LCORL: variants seen among roughly 807,000 people sequenced by gnomAD.
LCORL encodes ligand-dependent nuclear receptor corepressor-like protein.
LCORL carries 41 observed loss-of-function variants against 141.8 expected under a neutral mutation model. The observed-to-expected ratio is 0.29, with a 90% CI of 0.23 to 0.38. LCORL has a LOEUF of 0.38. LCORL is among the 10% of genes least tolerant of loss of function. LCORL has a pLI of 1.00. For synonymous variants in LCORL, 618 were observed against 694.1 expected (o/e 0.89, Z 1.72); for missense variants, 1,759 against 2,035.0 (o/e 0.86, Z 2.61).
At chr4:17,848,347 C>A (rs1723182360) in intron 7 of LCORL, among the ~76,000 whole-genome samples, 1 of 152,154 alleles carries the variant, frequency 6.6e-6, no homozygotes, top group Non-Finnish European at 1.5e-5. Context: ...TAGAAAGTAT[C>A]TTTCTAGATG....
intron 1 of LCORL, among the ~76,000 whole-genome samples, chr4:18,008,417 G>A (rs553392711): frequency 2.4e-4 from 36 of 152,212 alleles, no homozygotes; most frequent in African/African-American, 8.4e-4. Context: ...TGAAACTCAA[G>A]TTCTAAAATA....
At chr4:17,970,759 T>C (rs1258274145) in intron 2 of LCORL, among the ~76,000 whole-genome samples, 1 of 152,194 alleles carries the variant, frequency 6.6e-6, no homozygotes, top group South Asian at 2.1e-4. Context: ...GAAAACCTCA[T>C]GGGAAAGACT....
At chr4:17,961,857 T>C (rs1560409289) in intron 4 of LCORL, 46 bp downstream of exon 4, 2 of 1,556,324 alleles carry the variant, frequency 1.3e-6, no homozygotes, top group African/African-American at 1.4e-5. Flanking sequence ...TCCAACATTT[T>C]ACATCTCTAT....
intron 1 of LCORL, among the ~76,000 whole-genome samples, chr4:17,996,793 A>T (rs1377572870): frequency 6.6e-6 from 1 of 151,962 alleles, no homozygotes; most frequent in East Asian, 1.9e-4. Flanking sequence ...GTTCACTAAA[A>T]CCTCTCTCTC....
intron 7 of LCORL, among the ~76,000 whole-genome samples, chr4:17,855,282 A>G (rs2109113389): frequency 6.6e-6 from 1 of 152,310 alleles, no homozygotes; most frequent in East Asian, 1.9e-4. Context: ...AATACCCAAG[A>G]AATATATAAA....
At chr4:17,994,844 T>TA (rs150990122) in intron 1 of LCORL, among the ~76,000 whole-genome samples, 4,833 of 152,022 alleles carry the variant, frequency 0.032, 108 homozygotes, top group African/African-American at 0.059. Flanking sequence ...TACAATACTA[T>TA]AAGCTCCAAA....
At chr4:17,858,729 A>AAATAATAAT (rs567498935) in intron 7 of LCORL, among the ~76,000 whole-genome samples, 1,866 of 149,130 alleles carry the variant, frequency 0.013, 33 homozygotes, top group African/African-American at 0.041. Flanking sequence ...ACTCCATCTC[A>AAATAATAAT]AATAATAATA....
intron 1 of LCORL, among the ~76,000 whole-genome samples, chr4:17,993,451 C>A (rs1368846962): frequency 6.6e-6 from 1 of 151,904 alleles, no homozygotes; most frequent in Non-Finnish European, 1.5e-5. Flanking sequence ...GTGATCCTCC[C>A]GCCTCAGCCT....
chr4:17,948,497 A>G (rs1022769173), intron 4 of LCORL, among the ~76,000 whole-genome samples: 2 of 152,102 alleles, frequency 1.3e-5, no homozygotes, highest in African/African-American at 4.8e-5. Context: ...AAAATTTTCC[A>G]GTGTTATACA....
exon 7 of LCORL, chr4:17,874,890 T>C (rs1276681286): frequency 8.1e-7 from 1 of 1,233,756 alleles, no homozygotes; most frequent in Admixed American, 4.2e-5. Flanking sequence ...ACTTTTATTT[T>C]TCTGCAAATG....
intron 1 of LCORL, among the ~76,000 whole-genome samples, chr4:17,995,763 G>C (rs1266551340): frequency 6.6e-6 from 1 of 152,026 alleles, no homozygotes; most frequent in African/African-American, 2.4e-5. Flanking sequence ...AGCGTCCCCT[G>C]AGTTTTATAT....
At chr4:17,930,796 C>A (rs747996803) in intron 4 of LCORL, among the ~76,000 whole-genome samples, 1 of 152,184 alleles carries the variant, frequency 6.6e-6, no homozygotes, top group Admixed American at 6.5e-5. Flanking sequence ...TTCACGGATA[C>A]ACACACAGTG....
intron 6 of LCORL, among the ~76,000 whole-genome samples, chr4:17,878,513 T>C (rs1336097539): frequency 1.3e-5 from 2 of 151,440 alleles, no homozygotes; most frequent in Non-Finnish European, 3.0e-5. Flanking sequence ...GAATATTTAA[T>C]GGAAAGTGCT....
In LCORL at chr4:17,900,668, C is replaced by A. The variant is rs565548853; in HGVS notation, c.682+8426G>T. Among the ~76,000 whole-genome samples the A allele has an allele frequency of 2.0e-5, 3 of 152,180 alleles. No individual in the cohort carries two copies. In the East Asian group the frequency reaches 5.8e-4, roughly 29 times the overall value. On this transcript the variant is annotated intron_variant, in intron 5 of 7. Transcript: ENST00000635767. ...TAGAAACTCAAGACACAGGTTAAAT[C>A]ATGATTAACATAGCTTGAAAGAGAA...
intron 1 of LCORL, among the ~76,000 whole-genome samples, chr4:17,990,959 A>G (rs1719911158): frequency 6.6e-6 from 1 of 152,236 alleles, no homozygotes; most frequent in Non-Finnish European, 1.5e-5. Flanking sequence ...ATCATGTTAC[A>G]GAGTACACAC....
chr4:17,909,237 T>C (rs752659102), exon 5 of LCORL: 1 of 1,613,442 alleles, frequency 6.2e-7, no homozygotes, highest in Admixed American at 1.7e-5. Flanking sequence ...TCTATTCTCT[T>C]GAGTTTTACC....
chr4:17,899,124 T>C (rs1730461882), intron 5 of LCORL, among the ~76,000 whole-genome samples: 1 of 152,168 alleles, frequency 6.6e-6, no homozygotes, highest in Non-Finnish European at 1.5e-5. Context: ...TATCAGGCTG[T>C]TCATATTTTA....
intron 1 of LCORL, among the ~76,000 whole-genome samples, chr4:17,993,979 T>C (rs1230605856): frequency 1.3e-5 from 2 of 152,244 alleles, no homozygotes; most frequent in South Asian, 2.1e-4. Flanking sequence ...AATAGAGTGA[T>C]TAAATATTCA....
chr4:17,877,156 ATAAAGT>A, exon 7 of LCORL: 3 of 1,230,866 alleles, frequency 2.4e-6, no homozygotes, highest in Non-Finnish European at 3.0e-6. Flanking sequence ...CGCATTGCAA[ATAAAGT>A]TTCTTGACGC....
Sources: allele counts gnomAD v4.1 joint callset (sites outside exome capture counted in the v4.1 genomes callset), GRCh38; gene constraint gnomAD v4.1.1; transcripts MANE v1.5; gene names NCBI Gene and HGNC (gene_info 2026-07-23, HGNC 2026-07-21).